The following MTR variants were observed in gnomAD, a reference collection of about 807,000 sequenced individuals.
MTR encodes the protein 5-methyltetrahydrofolate-homocysteine methyltransferase.
In MTR, 84 loss-of-function variants were observed where a neutral mutation model predicts 154.8. The ratio of observed to expected loss-of-function variants is 0.54; its 90% CI spans 0.45 to 0.65. MTR has a LOEUF of 0.65. Among genes scored for constraint, MTR ranks in the 30% least tolerant of loss-of-function variants. The probability of loss-of-function intolerance (pLI) is 0.00; values close to 1 mark genes in which losing one functional copy is unlikely to be tolerated. For missense variants in MTR, 1,275 were observed against 1,570.2 expected (o/e 0.81, Z 3.18); for synonymous variants, 554 against 553.9 (o/e 1.00, Z 0.00).
chr1:236,873,771 A>G lies in MTR; in HGVS notation c.2406-2A>G. The G allele has an allele frequency of 1.9e-6, 3 of 1,613,468 alleles. No individual in the cohort carries two copies. Among genetic ancestry groups the G allele is most frequent in the Non-Finnish European group, 2.5e-6 (3 of 1,179,412 alleles). ...TTCTCATGTCTCATTTCTGTGCCTC[A>G]GAGTTATTGATTTAGGAGTCATGAC... On this transcript the variant is annotated splice_acceptor_variant, in intron 22 of 32. Coordinates refer to ENST00000366577, the MANE Select transcript of MTR (RefSeq NM_000254.3). LOFTEE classifies it high-confidence loss of function.
At position 236,816,347 on chromosome 1, in the gene MTR, TA is replaced by T. The variant is rs931370468; in HGVS notation, c.670-98del. 14 of 1,014,394 alleles carry T rather than the reference TA, an allele frequency of 1.4e-5. No homozygotes were observed. The African/African-American group carries it at 2.2e-4, about 16-fold the overall frequency. The allele number at this position is 1,014,394 out of a possible 1,614,324, so 62.8% of individuals were successfully genotyped here. A position where few individuals can be genotyped will look rare whatever the true frequency, so the allele number is the denominator to read the frequency against. ...TTGAGTTCCACATTTCTTTTCCTTG[TA>T]AAAGAGCAAAGGAAGTCAGTGTGTT... On this transcript the variant is annotated intron_variant, in intron 7 of 32. Coordinates refer to ENST00000366577, the MANE Select transcript of MTR (RefSeq NM_000254.3).
chr1:236,860,093 CATA>C (rs2103293894), intron 19 of MTR, among the ~76,000 whole-genome samples, 171 bp downstream of exon 19: 1 of 109,922 alleles, frequency 9.1e-6, no homozygotes, highest in African/African-American at 3.5e-5. Flanking sequence ...CCCCCCCCAC[CATA>C]GCACATTTGA....
In MTR at chr1:236,897,310, G is replaced by GCGCGCGCGCGCGCGCGCGCGCACACACA; in HGVS notation, c.3711+193_3711+194insGCGCGCGCGCGCGCGCGCGCACACACAC. ...ACTTCTACATGCAAGCCACACACACGCACACACACACACACACACACACAC... is the reference window on the plus strand; with the variant it reads ...ACTTCTACATGCAAGCCACACACACGCGCGCGCGCGCGCGCGCGCGCACACACACACACACACACACACACACACACAC... On this transcript the variant is annotated intron_variant, in intron 32 of 32. Coordinates refer to ENST00000366577, the MANE Select transcript of MTR (RefSeq NM_000254.3). 5.0e-4 allele frequency among the ~76,000 whole-genome samples: 64 copies of GCGCGCGCGCGCGCGCGCGCGCACACACA among 128,670 alleles called. 1 individual carries two copies. Among genetic ancestry groups the GCGCGCGCGCGCGCGCGCGCGCACACACA allele is most frequent in the Non-Finnish European group, 8.4e-4 (49 of 58,144 alleles). 84.4% of individuals were successfully genotyped at this position (128,670 alleles called of 152,430 possible).
At chr1:236,880,296 GA>G (rs1474220321) in intron 24 of MTR, among the ~76,000 whole-genome samples, 2 of 152,202 alleles carry the variant, frequency 1.3e-5, no homozygotes, top group Non-Finnish European at 2.9e-5. Context: ...TGTCTCCCAT[GA>G]ATAGGGGAGC....
chr1:236,856,893 GGTGTATAT>G (rs1334269258), intron 18 of MTR, among the ~76,000 whole-genome samples: 4 of 152,256 alleles, frequency 2.6e-5, no homozygotes, highest in African/African-American at 9.6e-5. Flanking sequence ...AGTATTCCAT[GGTGTATAT>G]GTGCCACATT....
chr1:236,797,963 AAAAAC>A (rs1199164704), intron 1 of MTR, among the ~76,000 whole-genome samples: 60 of 149,454 alleles, frequency 4.0e-4, no homozygotes, highest in Middle Eastern at 3.5e-3. Context: ...GTCTCCAAAA[AAAAAC>A]AAAACAAAAC....
intron 15 of MTR, among the ~76,000 whole-genome samples, chr1:236,842,838 C>G (rs1663340460): frequency 6.6e-6 from 1 of 150,988 alleles, no homozygotes; most frequent in Non-Finnish European, 1.5e-5. Context: ...GTAATCCCAA[C>G]ACTTTGGGAG....
intron 24 of MTR, among the ~76,000 whole-genome samples, chr1:236,876,488 G>C (rs747397997): frequency 1.8e-4 from 27 of 152,190 alleles, no homozygotes; most frequent in Non-Finnish European, 3.7e-4. Context: ...ATGGACTGTT[G>C]TCAGAATGAA....
chr1:236,806,244 C>A lies in MTR; in HGVS notation c.339+11C>A. 6.2e-7 allele frequency: 1 copy of A among 1,601,988 alleles called. No individual in the cohort carries two copies. Among genetic ancestry groups the A allele is most frequent in the East Asian group, 2.2e-5 (1 of 44,802 alleles). ...GGCCTTGAACACTTGGTAAGAATTC[C>A]ATTGTTCCATGTGTCTAAGATGCTT... On this transcript the variant is annotated intron_variant, in intron 3 of 32. Transcript: ENST00000366577.
chr1:236,811,703 T>C, intron 5 of MTR: 1 of 456,298 alleles, frequency 2.2e-6, no homozygotes, highest in South Asian at 1.5e-5. Context: ...TGAAGTACGG[T>C]AAGTCTTCAC....
At chr1:236,840,975 G>T (rs945831226) in intron 15 of MTR, among the ~76,000 whole-genome samples, 1 of 152,176 alleles carries the variant, frequency 6.6e-6, no homozygotes, top group Admixed American at 6.5e-5. Context: ...TCCACTACAA[G>T]TTTAGTGTGG....
In MTR at chr1:236,899,531, G is replaced by A. The variant is rs1666831580; in HGVS notation, c.*1887G>A. 1 of 152,050 alleles carries A rather than the reference G, an allele frequency of 6.6e-6. No individual in the cohort carries two copies. Among genetic ancestry groups the A allele is most frequent in the African/African-American group, 2.4e-5 (1 of 41,382 alleles). The allele number at this position is 152,050 out of a possible 1,614,324, so 9.4% of individuals were successfully genotyped here. ...GGTGATAAGTTCCAAATATGTTAAG[G>A]GCTTTAATACAAAAAGCAAAAATTG... On this transcript the variant is annotated 3_prime_UTR_variant, in exon 33 of 33. Transcript: ENST00000366577.
At chr1:236,844,453 C>CGTGTGTGT (rs58179715) in intron 15 of MTR, among the ~76,000 whole-genome samples, 8 of 145,464 alleles carry the variant, frequency 5.5e-5, no homozygotes, top group South Asian at 2.3e-4. Context: ...TCAGAAAGGG[C>CGTGTGTGT]GTGTGTGTGT....
chr1:236,843,650 G>A (rs1481462999), intron 15 of MTR, among the ~76,000 whole-genome samples: 1 of 152,196 alleles, frequency 6.6e-6, no homozygotes, highest in Non-Finnish European at 1.5e-5. Context: ...GGGCCATGGT[G>A]AAAGCAAAAG....
intron 5 of MTR, among the ~76,000 whole-genome samples, chr1:236,812,398 T>G (rs1043644436): frequency 6.6e-6 from 1 of 152,198 alleles, no homozygotes; most frequent in African/African-American, 2.4e-5. Flanking sequence ...TCTTAACCGG[T>G]TGATTGAAAT....
At chr1:236,863,809 G>A (rs1664684551) in intron 22 of MTR, among the ~76,000 whole-genome samples, 1 of 152,216 alleles carries the variant, frequency 6.6e-6, no homozygotes, top group Admixed American at 6.5e-5. Flanking sequence ...GGTGGAAACC[G>A]TCCAGAGGAT....
intron 18 of MTR, among the ~76,000 whole-genome samples, chr1:236,857,423 C>G (rs182685175): frequency 2.0e-4 from 31 of 152,208 alleles, no homozygotes; most frequent in Non-Finnish European, 3.5e-4. Context: ...GAATGTTAAT[C>G]TGCAGCTTTA....
chr1:236,823,634 C>T (rs939413379), intron 8 of MTR, among the ~76,000 whole-genome samples: 2 of 152,048 alleles, frequency 1.3e-5, no homozygotes, highest in Non-Finnish European at 2.9e-5. Flanking sequence ...CCACCACCCA[C>T]TGACAACCTT....
In MTR at chr1:236,797,134, G is replaced by T. The variant is rs572409791; in HGVS notation, c.34+1397G>T. On this transcript the variant is annotated intron_variant, in intron 1 of 32. Coordinates refer to ENST00000366577, the MANE Select transcript of MTR (RefSeq NM_000254.3). ...ACTGAGTGGAGTTTAACCAAGTCTA[G>T]GGCCTCTGAAGTTCTGAATCAGGCC... Among the ~76,000 whole-genome samples, 6 of 152,324 alleles carry T rather than the reference G, an allele frequency of 3.9e-5. No homozygotes were observed. In the East Asian group the frequency reaches 1.2e-3, roughly 29 times the overall value.
Sources: allele counts gnomAD v4.1 joint callset (sites outside exome capture counted in the v4.1 genomes callset), GRCh38; gene constraint gnomAD v4.1.1; transcripts MANE v1.5; gene names NCBI Gene and HGNC (gene_info 2026-07-23, HGNC 2026-07-21).